ZCWPW2: variants seen among roughly 807,000 people sequenced by gnomAD.
The protein encoded by ZCWPW2 is zinc finger CW-type PWWP domain protein 2.
In ZCWPW2, 45 loss-of-function variants were observed where a neutral mutation model predicts 46.6. The ratio of observed to expected loss-of-function variants is 0.96; its 90% CI spans 0.76 to 1.24. ZCWPW2 has a LOEUF of 1.24. ZCWPW2 is among the 50% of genes most tolerant of loss of function. The pLI, the probability that ZCWPW2 is intolerant of heterozygous loss-of-function variation, is 0.00. For missense variants in ZCWPW2, 429 were observed against 403.9 expected (o/e 1.06, Z -0.53); for synonymous variants, 152 against 137.1 (o/e 1.11, Z -0.76).
intron 1 of ZCWPW2, among the ~76,000 whole-genome samples, chr3:28,365,259 T>G: frequency 7.0e-6 from 1 of 143,294 alleles, no homozygotes; most frequent in Non-Finnish European, 1.6e-5. Context: ...TAGGTTTTCT[T>G]CTAGGGTTTT....
At chr3:28,398,421 A>G (rs1695789104) in intron 2 of ZCWPW2, among the ~76,000 whole-genome samples, 2 of 152,274 alleles carry the variant, frequency 1.3e-5, no homozygotes, top group Admixed American at 1.3e-4. Context: ...GTTATTTTGG[A>G]TGGTGGACGG....
intron 1 of ZCWPW2, among the ~76,000 whole-genome samples, chr3:28,381,210 A>T (rs909899426): frequency 7.2e-4 from 108 of 151,006 alleles, no homozygotes; most frequent in African/African-American, 2.4e-3. Flanking sequence ...GTTCCAAACT[A>T]TGCAGGAATT....
At position 28,424,508 on chromosome 3, in the gene ZCWPW2, G is replaced by A. The variant is rs532150790; in HGVS notation, c.333-10602G>A. Among the ~76,000 whole-genome samples the A allele has an allele frequency of 4.6e-5, 7 of 152,216 alleles. 1 individual carries two copies. The highest frequency in any genetic ancestry group is 1.4e-4 in the African/African-American group (6 of 41,528). On this transcript the variant is annotated intron_variant, in intron 3 of 9. Transcript: ENST00000383768. The stretch of plus-strand genomic sequence containing the variant: ...AAGAAGAGGAGATTAGAACACAGAC[G>A]TGCACAGAAGAAAGACCATGTGAGG...
At chr3:28,423,459 C>T (rs961341646) in intron 3 of ZCWPW2, among the ~76,000 whole-genome samples, 9 of 150,862 alleles carry the variant, frequency 6.0e-5, no homozygotes, top group African/African-American at 9.8e-5. Context: ...CTCTGCCTCC[C>T]GGGTTCACGC....
At chr3:28,417,239 C>T (rs1334269105) in intron 3 of ZCWPW2, among the ~76,000 whole-genome samples, 1 of 152,026 alleles carries the variant, frequency 6.6e-6, no homozygotes, top group East Asian at 1.9e-4. Context: ...ATAAATACCT[C>T]TACACAAATA....
chr3:28,478,913 T>G lies in ZCWPW2; in HGVS notation c.592T>G (p.Cys198Gly). The change falls in exon 5 of 10, where the codon TGC becomes GGC. Residue 198 changes from cysteine (C) to glycine (G), a missense_variant. By Grantham distance (159) the Cys-to-Gly change is radical (BLOSUM62 -3). Coordinates refer to ENST00000383768, the MANE Select transcript of ZCWPW2 (RefSeq NM_001040432.4). ...YSHEQRLEMC[C>G]LSKLQDKSET... is the part of the protein sequence containing the mutation. ...TCATGAGCAAAGACTGGAAATGTGC[T>G]GCCTATCAAAACTACAAGGTGTATA... The G allele has an allele frequency of 2.5e-6, 4 of 1,583,840 alleles. No homozygotes were observed. The highest frequency in any genetic ancestry group is 3.4e-6 in the Non-Finnish European group (4 of 1,168,896).
chr3:28,404,912 T>C (rs1696099260), intron 2 of ZCWPW2, among the ~76,000 whole-genome samples: 1 of 152,150 alleles, frequency 6.6e-6, no homozygotes. Context: ...GACAAAAGAC[T>C]ACAAATAGAG....
intron 2 of ZCWPW2, among the ~76,000 whole-genome samples, chr3:28,391,526 G>A (rs1477593479): frequency 2.6e-5 from 4 of 152,152 alleles, no homozygotes; most frequent in Admixed American, 6.5e-5. Context: ...TTGCAGAAAT[G>A]GGCATACCTG....
At chr3:28,417,478 C>G (rs901486024) in intron 3 of ZCWPW2, among the ~76,000 whole-genome samples, 2 of 151,948 alleles carry the variant, frequency 1.3e-5, no homozygotes, top group African/African-American at 4.8e-5. Flanking sequence ...CTATTCCAAT[C>G]AATAGAAAAA....
chr3:28,406,335 A>C (rs1159403736), intron 2 of ZCWPW2, among the ~76,000 whole-genome samples: 1 of 152,240 alleles, frequency 6.6e-6, no homozygotes, highest in Non-Finnish European at 1.5e-5. Context: ...TCTATTATCC[A>C]AGAAAATGGG....
intron 2 of ZCWPW2, among the ~76,000 whole-genome samples, chr3:28,412,244 T>C (rs1219274768): frequency 6.6e-6 from 1 of 151,736 alleles, no homozygotes; most frequent in Non-Finnish European, 1.5e-5. Flanking sequence ...TATACTTTTT[T>C]ATTGAAGCCA....
intron 6 of ZCWPW2, among the ~76,000 whole-genome samples, chr3:28,500,438 G>GT (rs1700112532): frequency 6.6e-6 from 1 of 151,970 alleles, no homozygotes; most frequent in Admixed American, 6.6e-5. Flanking sequence ...AAAAGGATCT[G>GT]TTTTTTAATT....
At chr3:28,459,267 G>A (rs1698538350) in intron 4 of ZCWPW2, among the ~76,000 whole-genome samples, 1 of 152,138 alleles carries the variant, frequency 6.6e-6, no homozygotes. Flanking sequence ...CTACTCAGGA[G>A]GCTGAGGCAG....
chr3:28,474,030 T>A (rs890510023), intron 4 of ZCWPW2, among the ~76,000 whole-genome samples: 9 of 152,212 alleles, frequency 5.9e-5, no homozygotes, highest in African/African-American at 2.2e-4. Flanking sequence ...TATAATTGGA[T>A]TGTTTGTAAC....
intron 4 of ZCWPW2, among the ~76,000 whole-genome samples, chr3:28,441,341 A>G (rs992055480): frequency 2.6e-5 from 4 of 151,982 alleles, no homozygotes; most frequent in African/African-American, 9.7e-5. Context: ...ATCCAACCAA[A>G]CCATTGGCTA....
chr3:28,403,753 C>T (rs1374097912), intron 2 of ZCWPW2, among the ~76,000 whole-genome samples: 5 of 152,100 alleles, frequency 3.3e-5, no homozygotes, highest in African/African-American at 1.2e-4. Context: ...TACTTACAGC[C>T]AACTGATCTT....
At chr3:28,358,784 G>A (rs1704833224) in intron 1 of ZCWPW2, among the ~76,000 whole-genome samples, 2 of 152,028 alleles carry the variant, frequency 1.3e-5, no homozygotes, top group South Asian at 4.1e-4. Context: ...AGATTAGATT[G>A]CTATCTGAAT....
At chr3:28,500,236 TTTG>T (rs1700105814) in intron 6 of ZCWPW2, among the ~76,000 whole-genome samples, 2 of 152,116 alleles carry the variant, frequency 1.3e-5, no homozygotes, top group African/African-American at 4.8e-5. Flanking sequence ...TACATCATAA[TTTG>T]TTGTTGTTTC....
chr3:28,496,737 A>C (rs1437126302), intron 6 of ZCWPW2, among the ~76,000 whole-genome samples: 3 of 151,932 alleles, frequency 2.0e-5, no homozygotes, highest in Non-Finnish European at 4.4e-5. Flanking sequence ...ATGGCAAAAT[A>C]TATTAGGTAA....
Sources: gnomAD v4.1 joint callset for allele counts (sites outside exome capture counted in the v4.1 genomes callset) on GRCh38, gnomAD v4.1.1 for gene constraint, MANE v1.5 for transcripts, NCBI Gene and HGNC (gene_info 2026-07-23, HGNC 2026-07-21) for gene names.